The following CMSS1 variants were observed in gnomAD, a reference collection of about 807,000 sequenced individuals.
The protein encoded by CMSS1 is protein CMSS1.
A neutral mutation model predicts 43.5 loss-of-function variants in CMSS1; 33 were observed. The ratio of observed to expected loss-of-function variants is 0.76; its 90% CI spans 0.57 to 1.01. The LOEUF (loss-of-function observed/expected upper bound fraction) is 1.01, where lower values mean the gene tolerates loss of function less well. CMSS1 is among the 50% of genes least tolerant of loss of function. The pLI is 0.00. For missense variants in CMSS1, 313 were observed against 326.4 expected, an observed-to-expected ratio of 0.96 and a Z score of 0.32; for synonymous variants, 115 against 117.2, an observed-to-expected ratio of 0.98 and a Z score of 0.12.
At chr3:100,064,752 A>C (rs544026356) in intron 1 of CMSS1, among the ~76,000 whole-genome samples, 1 of 152,306 alleles carries the variant, frequency 6.6e-6, no homozygotes, top group South Asian at 2.1e-4. Flanking sequence ...GAACATTCTA[A>C]TAAGTTCCGT....
chr3:100,070,725 G>A (rs548386421), intron 1 of CMSS1, among the ~76,000 whole-genome samples: 5 of 151,976 alleles, frequency 3.3e-5, no homozygotes, highest in Non-Finnish European at 5.9e-5. Context: ...TCCACCTCCC[G>A]GGTTCAAGCA....
chr3:99,963,015 G>A (rs1318214861), intron 1 of CMSS1, among the ~76,000 whole-genome samples: 1 of 152,204 alleles, frequency 6.6e-6, no homozygotes, highest in Non-Finnish European at 1.5e-5. Flanking sequence ...GATTTTAGGA[G>A]CTAGCCTGGG....
chr3:99,966,795 G>T (rs189125921), intron 1 of CMSS1, among the ~76,000 whole-genome samples: 1 of 152,304 alleles, frequency 6.6e-6, no homozygotes, highest in Non-Finnish European at 1.5e-5. Flanking sequence ...TATACAAGAC[G>T]TAACTGAAGA....
intron 1 of CMSS1, among the ~76,000 whole-genome samples, chr3:99,824,142 C>A (rs1192147285): frequency 2.0e-5 from 3 of 151,996 alleles, no homozygotes; most frequent in African/African-American, 7.2e-5. Flanking sequence ...AGGCTGATCT[C>A]GAACTCCTGA....
At chr3:99,839,662 G>T (rs1943044044) in intron 1 of CMSS1, among the ~76,000 whole-genome samples, 1 of 152,162 alleles carries the variant, frequency 6.6e-6, no homozygotes, top group Non-Finnish European at 1.5e-5. Flanking sequence ...TTCTAGTTTA[G>T]AATTCAGGTA....
intron 1 of CMSS1, among the ~76,000 whole-genome samples, chr3:99,880,459 A>C (rs911633265): frequency 6.6e-6 from 1 of 152,128 alleles, no homozygotes; most frequent in African/African-American, 2.4e-5. Context: ...CTCTGGTCCC[A>C]GGCCTATATA....
At chr3:100,006,738 T>C (rs1303684209) in intron 1 of CMSS1, among the ~76,000 whole-genome samples, 1 of 151,988 alleles carries the variant, frequency 6.6e-6, no homozygotes, top group Non-Finnish European at 1.5e-5. Context: ...AGTTAGGAAA[T>C]TAAAAGTAAG....
At chr3:100,115,590 T>TCTCTCTCTCTCTCTCTCTCTCTCC in intron 1 of CMSS1, among the ~76,000 whole-genome samples, 1 of 52,730 alleles carries the variant, frequency 1.9e-5, no homozygotes, top group East Asian at 4.6e-4. Flanking sequence ...TCTCTCTCTC[T>TCTCTCTCTCTCTCTCTCTCTCTCC]CTCTCTCTCT....
chr3:99,980,409 A>T (rs1464685353), intron 1 of CMSS1, among the ~76,000 whole-genome samples: 1 of 152,166 alleles, frequency 6.6e-6, no homozygotes, highest in African/African-American at 2.4e-5. Context: ...TACATCAGAT[A>T]TGTTAGGTAA....
At chr3:99,941,017 C>G (rs1478024518) in intron 1 of CMSS1, among the ~76,000 whole-genome samples, 1 of 152,252 alleles carries the variant, frequency 6.6e-6, no homozygotes, top group Non-Finnish European at 1.5e-5. Context: ...CAGGTATACT[C>G]CATTTATCTT....
At chr3:99,964,119 T>G (rs532825598) in intron 1 of CMSS1, among the ~76,000 whole-genome samples, 1 of 152,172 alleles carries the variant, frequency 6.6e-6, no homozygotes, top group East Asian at 1.9e-4. Context: ...TGGTGCAGAT[T>G]TACCCTATAG....
chr3:100,013,541 G>A (rs552670080), intron 1 of CMSS1, among the ~76,000 whole-genome samples: 1 of 152,250 alleles, frequency 6.6e-6, no homozygotes, highest in South Asian at 2.1e-4. Flanking sequence ...ACCACACTCG[G>A]CTGGCCAGTG....
At chr3:99,963,580 G>A (rs1708556439) in intron 1 of CMSS1, among the ~76,000 whole-genome samples, 1 of 152,014 alleles carries the variant, frequency 6.6e-6, no homozygotes, top group Non-Finnish European at 1.5e-5. Flanking sequence ...ACTCCTCTTT[G>A]CCTTGATGGT....
intron 1 of CMSS1, among the ~76,000 whole-genome samples, chr3:100,022,065 G>C (rs2064836187): frequency 6.6e-6 from 1 of 151,802 alleles, no homozygotes; most frequent in South Asian, 2.1e-4. Context: ...GCAGTAGCTT[G>C]TAACCAACAC....
chr3:100,128,551 T>C (rs1185874959), intron 1 of CMSS1, among the ~76,000 whole-genome samples: 2 of 152,198 alleles, frequency 1.3e-5, no homozygotes, highest in Non-Finnish European at 2.9e-5. Flanking sequence ...TTTATTGAGG[T>C]ACTCACATCT....
intron 1 of CMSS1, among the ~76,000 whole-genome samples, chr3:100,005,806 C>T (rs980093084): frequency 6.6e-6 from 1 of 152,050 alleles, no homozygotes; most frequent in African/African-American, 2.4e-5. Flanking sequence ...TATTATTGCC[C>T]AAGAGAGGAA....
chr3:99,887,819 C>T (rs891253868), intron 1 of CMSS1, among the ~76,000 whole-genome samples: 10 of 152,116 alleles, frequency 6.6e-5, no homozygotes, highest in East Asian at 1.9e-4. Context: ...ACTGCAGCCT[C>T]GACCTCTTGG....
intron 1 of CMSS1, chr3:99,833,026 A>G: frequency 3.6e-6 from 2 of 557,252 alleles, no homozygotes; most frequent in African/African-American, 3.9e-5. Context: ...AGAGAAATAC[A>G]TGCATATGGC....
chr3:100,076,877 A>G (rs1450836709), intron 1 of CMSS1, among the ~76,000 whole-genome samples: 1 of 152,208 alleles, frequency 6.6e-6, no homozygotes, highest in Admixed American at 6.5e-5. Context: ...TTTCTTGCCC[A>G]CTATTATGTC....
Sources: gnomAD v4.1 joint callset for allele counts (sites outside exome capture counted in the v4.1 genomes callset) on GRCh38, gnomAD v4.1.1 for gene constraint, MANE v1.5 for transcripts, NCBI Gene and HGNC (gene_info 2026-07-23, HGNC 2026-07-21) for gene names.